Variants in ADAMTSL1 observed in about 807,000 individuals in gnomAD.
The protein encoded by ADAMTSL1 is ADAMTS like 1.
Under a neutral mutation model 201.8 loss-of-function variants are expected in ADAMTSL1, and 126 were observed. That is an observed-to-expected ratio of 0.62 (90% CI 0.54 to 0.72). The LOEUF (loss-of-function observed/expected upper bound fraction) is 0.72. Among genes scored for constraint, ADAMTSL1 ranks in the 30% least tolerant of loss-of-function variants. ADAMTSL1 has a pLI of 0.00. For missense variants in ADAMTSL1, 2,679 were observed against 2,277.8 expected (o/e 1.18, Z -3.59); for synonymous variants, 1,121 against 903.4 (o/e 1.24, Z -4.32).
rs982779367 is a variant in ADAMTSL1 at position 18,316,792 on chromosome 9, T to C, written c.207+152811T>C. On this transcript the variant is annotated intron_variant, in intron 2 of 29. Coordinates refer to the ADAMTSL1 transcript ENST00000680146. ...GCATAGGAAATCACAAGGGTATTGATTGGGGAAGTGATAAGTGTCCATGAA... is the reference window on the plus strand; with the variant it reads ...GCATAGGAAATCACAAGGGTATTGACTGGGGAAGTGATAAGTGTCCATGAA... 2.0e-5 allele frequency among the ~76,000 whole-genome samples: 3 copies of C among 152,150 alleles called. 1 individual carries two copies. Among genetic ancestry groups the C allele is most frequent in the South Asian group, 4.2e-4 (2 of 4,798 alleles).
rs79683310 is a variant in ADAMTSL1 at position 18,864,116 on chromosome 9, C to T, written c.4250-23715C>T. On this transcript the variant is annotated intron_variant, in intron 23 of 28. Coordinates refer to ENST00000380548, the MANE Select transcript of ADAMTSL1 (RefSeq NM_001040272.6). ...TTTTCCTTTAGAAAGCAGTTAAATA[C>T]GTGAAAATTCCCAGAGTACTACTTT... 6.6e-3 allele frequency among the ~76,000 whole-genome samples: 999 copies of T among 152,282 alleles called. 16 individuals carry two copies. The highest frequency in any genetic ancestry group is 0.023 in the African/African-American group (941 of 41,560).
Position 18,679,011 on chromosome 9 carries a change from A to G in ADAMTSL1, c.1137-1301A>G, listed in dbSNP as rs370054940. 1.3e-4 allele frequency among the ~76,000 whole-genome samples: 20 copies of G among 152,272 alleles called. 1 individual carries two copies. Among genetic ancestry groups the G allele is most frequent in the Admixed American group, 1.0e-3 (16 of 15,296 alleles). On this transcript the variant is annotated intron_variant, in intron 10 of 28. Transcript: ENST00000380548. ...GGAAATACACATAGGAAAATATTGTATTTGGCAGCATGTCTTGGCTTTTGG... is the reference window on the plus strand; with the variant it reads ...GGAAATACACATAGGAAAATATTGTGTTTGGCAGCATGTCTTGGCTTTTGG...
intron 1 of ADAMTSL1, among the ~76,000 whole-genome samples, chr9:18,114,600 C>T (rs1825170599): frequency 6.6e-6 from 1 of 152,198 alleles, no homozygotes; most frequent in South Asian, 2.1e-4. Context: ...ACCCAAATGC[C>T]TTCCTTTTGG....
At chr9:18,583,622 C>T (rs770640866) in intron 4 of ADAMTSL1, among the ~76,000 whole-genome samples, 6 of 152,162 alleles carry the variant, frequency 3.9e-5, no homozygotes, top group Non-Finnish European at 7.4e-5. Context: ...TGACAGCTTG[C>T]ACTGTGTGCC....
Position 18,412,247 on chromosome 9 carries a change from A to G in ADAMTSL1, c.208-92582A>G, listed in dbSNP as rs140915643. ...TCATAAGTGGAACTGTGCTTTTCCT[A>G]TTGCATCATATTGTGATAGGTACAA... On this transcript the variant is annotated intron_variant, in intron 2 of 29. Transcript: ENST00000680146. 4.6e-5 allele frequency among the ~76,000 whole-genome samples: 7 copies of G among 152,262 alleles called. No individual in the cohort carries two copies. The East Asian group carries it at 9.7e-4, about 21-fold the overall frequency.
At chr9:18,791,717 T>A (rs900214652) in intron 19 of ADAMTSL1, among the ~76,000 whole-genome samples, 3 of 152,192 alleles carry the variant, frequency 2.0e-5, no homozygotes, top group African/African-American at 7.2e-5. Flanking sequence ...TAAGACTGTT[T>A]TTATGAAAAT....
intron 2 of ADAMTSL1, among the ~76,000 whole-genome samples, chr9:18,344,677 A>G (rs995482012): frequency 6.6e-6 from 1 of 152,126 alleles, no homozygotes; most frequent in Non-Finnish European, 1.5e-5. Context: ...TTTGGCCATT[A>G]ACATTGATAC....
At chr9:18,623,568 C>A (rs915312330) in intron 5 of ADAMTSL1, among the ~76,000 whole-genome samples, 3 of 152,056 alleles carry the variant, frequency 2.0e-5, no homozygotes, top group Admixed American at 6.6e-5. Context: ...AGATGTCTAC[C>A]CAGTCAGGTC....
chr9:18,536,739 G>A (rs1215569514), intron 3 of ADAMTSL1, among the ~76,000 whole-genome samples: 1 of 152,274 alleles, frequency 6.6e-6, no homozygotes, highest in Non-Finnish European at 1.5e-5. Context: ...TAGAAAATAG[G>A]TGTGAGCTAG....
At chr9:18,826,160 TAGA>T in intron 21 of ADAMTSL1, 121 bp from the exon 22 acceptor site, 1 of 1,151,488 alleles carries the variant, frequency 8.7e-7, no homozygotes, top group Non-Finnish European at 1.2e-6. Context: ...CAAAGCCTGG[TAGA>T]AGATGTCCCT....
intron 3 of ADAMTSL1, among the ~76,000 whole-genome samples, chr9:18,572,420 A>T (rs930008892): frequency 6.6e-6 from 1 of 152,172 alleles, no homozygotes; most frequent in African/African-American, 2.4e-5. Context: ...GGTAAATTTT[A>T]TTCATACTCT....
chr9:18,466,258 C>T (rs1017288327), intron 2 of ADAMTSL1, among the ~76,000 whole-genome samples: 1 of 152,156 alleles, frequency 6.6e-6, no homozygotes, highest in African/African-American at 2.4e-5. Flanking sequence ...CTATGTTTCT[C>T]TCAGTTGCAC....
chr9:17,927,549 A>T (rs1158176932), intron 1 of ADAMTSL1, among the ~76,000 whole-genome samples: 3 of 152,030 alleles, frequency 2.0e-5, no homozygotes, highest in Non-Finnish European at 2.9e-5. Flanking sequence ...CTGTGAATTC[A>T]AGCAACTTCA....
chr9:18,474,401 TA>T, intron 1 of ADAMTSL1, 106 bp downstream of exon 1: 6 of 1,113,610 alleles, frequency 5.4e-6, no homozygotes, highest in Non-Finnish European at 8.0e-6. Context: ...GTCTTTATCT[TA>T]AAACTCCAGG....
intron 2 of ADAMTSL1, among the ~76,000 whole-genome samples, chr9:18,266,671 C>T (rs562730086): frequency 7.9e-4 from 121 of 152,262 alleles, no homozygotes; most frequent in Admixed American, 2.6e-3. Flanking sequence ...TGGCGTGGTT[C>T]CATGGTCCTC....
chr9:18,631,183 A>G (rs1432842078), intron 5 of ADAMTSL1, among the ~76,000 whole-genome samples: 1 of 152,222 alleles, frequency 6.6e-6, no homozygotes, highest in Admixed American at 6.5e-5. Context: ...TTAACTGATT[A>G]CATATAAAGA....
chr9:17,929,969 A>G (rs569154362), intron 1 of ADAMTSL1, among the ~76,000 whole-genome samples: 100 of 152,308 alleles, frequency 6.6e-4, no homozygotes, highest in Non-Finnish European at 1.1e-3. Flanking sequence ...CATTGTTGAA[A>G]AAAGGATTAA....
chr9:18,740,832 G>T (rs1028969509), intron 15 of ADAMTSL1, among the ~76,000 whole-genome samples: 11 of 152,144 alleles, frequency 7.2e-5, no homozygotes, highest in African/African-American at 1.4e-4. Context: ...TTCCCTGAAG[G>T]CTTCATGGAA....
intron 1 of ADAMTSL1, among the ~76,000 whole-genome samples, chr9:17,978,468 T>A (rs1418070314): frequency 6.6e-6 from 1 of 152,064 alleles, no homozygotes; most frequent in Non-Finnish European, 1.5e-5. Flanking sequence ...GTTATGGGTT[T>A]TTGCTTTGTA....
Sources: allele counts gnomAD v4.1 joint callset (sites outside exome capture counted in the v4.1 genomes callset), GRCh38; gene constraint gnomAD v4.1.1; transcripts MANE v1.5; gene names NCBI Gene and HGNC (gene_info 2026-07-23, HGNC 2026-07-21).